The following NIBAN3 variants were observed in gnomAD, a reference collection of about 807,000 sequenced individuals.
NIBAN3 encodes niban apoptosis regulator 3, also known as protein Niban 3.
A neutral mutation model predicts 76.4 loss-of-function variants in NIBAN3; 66 were observed. The ratio of observed to expected loss-of-function variants is 0.86; its 90% CI spans 0.71 to 1.06. The LOEUF (loss-of-function observed/expected upper bound fraction) is 1.06, where lower values mean the gene tolerates loss of function less well. NIBAN3 is among the 50% of genes least tolerant of loss of function. NIBAN3 has a pLI of 0.00. For missense variants in NIBAN3, 808 were observed against 810.7 expected (o/e 1.00, Z 0.04); for synonymous variants, 360 against 355.2 (o/e 1.01, Z -0.15).
At chr19:17,530,725 G>C (rs777798858) in intron 1 of NIBAN3, 30 bp from the exon 2 acceptor site, 1 of 1,581,514 alleles carries the variant, frequency 6.3e-7, no homozygotes, top group South Asian at 1.1e-5. Flanking sequence ...GATTCAATTT[G>C]CTGGGTTCAC....
Position 17,532,170 on chromosome 19 carries a change from C to T in NIBAN3, c.187-93C>T, listed in dbSNP as rs1005932514. 14 of 1,444,470 alleles carry T rather than the reference C, an allele frequency of 9.7e-6. No individual in the cohort carries two copies. The South Asian group carries it at 1.2e-4, about 13-fold the overall frequency. 89.5% of individuals were successfully genotyped at this position (1,444,470 alleles called of 1,614,324 possible). A position where few individuals can be genotyped will look rare whatever the true frequency, so the allele number is the denominator to read the frequency against. Reference sequence around the variant, plus strand: ...AGCCTGGGGCATCACGGGACCTTAGCGTCACCCCAGGATACAGCGGGTGTC... The same window carrying T: ...AGCCTGGGGCATCACGGGACCTTAGTGTCACCCCAGGATACAGCGGGTGTC... On this transcript the variant is annotated intron_variant, in intron 2 of 14. Transcript: ENST00000599164.
At chr19:17,524,881 G>A (rs111378172), upstream of NIBAN3, among the ~76,000 whole-genome samples, 855 of 152,254 alleles carry the variant, frequency 5.6e-3, 7 homozygotes, top group African/African-American at 0.019. Flanking sequence ...AGGATTCACC[G>A]AAGACACTTC....
intron 12 of NIBAN3, 196 bp downstream of exon 12, chr19:17,543,827 C>T (rs145900800): frequency 2.9e-4 from 124 of 422,210 alleles, no homozygotes; most frequent in African/African-American, 2.4e-3. Flanking sequence ...CCTGTCTCTA[C>T]TAAAAATACA....
Position 17,552,019 on chromosome 19 carries a change from AT to A in NIBAN3, c.*125del. The A allele has an allele frequency of 3.8e-6, 2 of 532,228 alleles. No individual in the cohort carries two copies. The highest frequency in any genetic ancestry group is 6.9e-6 in the Non-Finnish European group (2 of 290,034). The allele number at this position is 532,228 out of a possible 1,614,324, so 33.0% of individuals were successfully genotyped here. A position where few individuals can be genotyped will look rare whatever the true frequency, so the allele number is the denominator to read the frequency against. ...CCCTGCAACTTCAGAAAACTGTACC[AT>A]TTTATACTCCAAGCAGCAGCATTTA... On this transcript the variant is annotated 3_prime_UTR_variant, in exon 15 of 15. Coordinates refer to ENST00000599164, the MANE Select transcript of NIBAN3 (RefSeq NM_001321827.2).
intron 1 of NIBAN3, among the ~76,000 whole-genome samples, chr19:17,528,152 C>T (rs1452795824): frequency 6.6e-6 from 1 of 151,496 alleles, no homozygotes; most frequent in Admixed American, 6.6e-5. Flanking sequence ...AGTGCAGTGG[C>T]GCAATCTTGG....
At chr19:17,550,267 AT>A (rs1483386999) in intron 14 of NIBAN3, among the ~76,000 whole-genome samples, 1 of 152,082 alleles carries the variant, frequency 6.6e-6, no homozygotes, top group Non-Finnish European at 1.5e-5. Flanking sequence ...TTGGGGGATA[AT>A]TTTTTTATGC....
chr19:17,537,355 C>G lies in NIBAN3; in HGVS notation c.428-21C>G, dbSNP rs372463173. On this transcript the variant is annotated intron_variant, in intron 4 of 14. Transcript: ENST00000599164. ...CTAGTGAATGAACGTCTAGAAGATGCGACCTCCTGTTTGTTTTCAGGAGAC... is the reference window on the plus strand; with the variant it reads ...CTAGTGAATGAACGTCTAGAAGATGGGACCTCCTGTTTGTTTTCAGGAGAC... The G allele has an allele frequency of 2.5e-6, 4 of 1,608,690 alleles. No homozygotes were observed. The South Asian group carries it at 3.3e-5, about 13-fold the overall frequency.
chr19:17,543,565 C>T lies in NIBAN3; in HGVS notation c.1488C>T (p.Ile496=). 1.2e-6 allele frequency: 2 copies of T among 1,614,148 alleles called. No individual in the cohort carries two copies. The highest frequency in any genetic ancestry group is 2.2e-5 in the South Asian group (2 of 91,080). ...GCGGGTTGGCGCAGAGGAGGTTCAT[C>T]CGAGGCTGGGGTCTCTGCATCTTTT... is the stretch of plus-strand genomic sequence containing the variant. ...SDSGLAQRRF[I]RGWGLCIFLP... The change falls in exon 12 of 15, where the codon ATC becomes ATT. Residue 496 remains isoleucine (I), a synonymous_variant. Transcript: ENST00000599164.
intron 13 of NIBAN3, among the ~76,000 whole-genome samples, chr19:17,547,322 G>C (rs1389686956): frequency 1.4e-5 from 2 of 143,432 alleles, no homozygotes; most frequent in Non-Finnish European, 1.5e-5. Flanking sequence ...CCACTGCACT[G>C]CAGCCTGGCG....
intron 4 of NIBAN3, among the ~76,000 whole-genome samples, chr19:17,536,271 A>G (rs1406408159): frequency 6.6e-6 from 1 of 151,824 alleles, no homozygotes; most frequent in Non-Finnish European, 1.5e-5. Flanking sequence ...GCTCACTGCA[A>G]CCTCCGCCTC....
chr19:17,549,611 G>T (rs918890629), intron 14 of NIBAN3, 84 bp downstream of exon 14: 1 of 1,071,700 alleles, frequency 9.3e-7, no homozygotes, highest in Non-Finnish European at 1.5e-6. Context: ...GTATGGGATT[G>T]TCATGAGTGT....
chr19:17,523,749 C>T (rs868416566), upstream of NIBAN3, among the ~76,000 whole-genome samples: 2 of 152,312 alleles, frequency 1.3e-5, no homozygotes, highest in Middle Eastern at 3.4e-3. Context: ...ACATCAGCCC[C>T]TCACTCAGTC....
At chr19:17,529,892 T>A (rs949828956) in intron 1 of NIBAN3, among the ~76,000 whole-genome samples, 1 of 151,988 alleles carries the variant, frequency 6.6e-6, no homozygotes, top group African/African-American at 2.4e-5. Flanking sequence ...AGACCTTGTC[T>A]CTACAAAAAT....
rs543604873 is a variant in NIBAN3 at position 17,533,683 on chromosome 19, C to G, written c.409C>G (p.Leu137Val). 3 of 1,613,778 alleles carry G rather than the reference C, an allele frequency of 1.9e-6. No homozygotes were observed. The highest frequency in any genetic ancestry group is 1.3e-5 in the African/African-American group (1 of 75,028). ...QREYLRLLDA[L>V]CPESLGDHTQ... ...AGAATATCTCCGCCTTTTGGATGCT[C>G]TCTGCCCTGAATCCTTGGGTAAGGG... is the stretch of plus-strand genomic sequence containing the variant. Residue 137 changes from leucine to valine, a missense_variant, in exon 4 of 15, where the codon CTC (leucine) becomes GTC (valine). Leu to Val is a conservative substitution (Grantham distance 32). Transcript: ENST00000599164.
chr19:17,528,059 A>G (rs1319364547), intron 1 of NIBAN3, among the ~76,000 whole-genome samples: 2 of 150,946 alleles, frequency 1.3e-5, no homozygotes, highest in Non-Finnish European at 2.9e-5. Flanking sequence ...CTGAAAACCA[A>G]TTACCCCTTT....
At chr19:17,543,457 G>A (rs760108074) in intron 11 of NIBAN3, 24 bp downstream of exon 11, 2 of 1,609,116 alleles carry the variant, frequency 1.2e-6, no homozygotes, top group Non-Finnish European at 1.7e-6. Flanking sequence ...GTACGGGGTG[G>A]CATGGGGTGG....
At chr19:17,524,546 A>G (rs2075587243), upstream of NIBAN3, among the ~76,000 whole-genome samples, 1 of 152,142 alleles carries the variant, frequency 6.6e-6, no homozygotes, top group Non-Finnish European at 1.5e-5. Context: ...CGGCCTCCCA[A>G]AGTGCTGGGA....
chr19:17,530,138 C>T (rs930494693), intron 1 of NIBAN3, among the ~76,000 whole-genome samples: 10 of 151,838 alleles, frequency 6.6e-5, no homozygotes, highest in African/African-American at 2.2e-4. Flanking sequence ...ATGGCGAAAC[C>T]TCGTCTCTAC....
rs186630549 is a variant in NIBAN3, at chr19:17,542,712, C to T, written c.1329+418C>T. ...ATCGCGCAGTGCCTTGAGCGTGGGG[C>T]TAAGGGGTGAGCTCTTTCCTGAGGG... On this transcript the variant is annotated intron_variant, in intron 10 of 14. Coordinates refer to ENST00000599164, the MANE Select transcript of NIBAN3 (RefSeq NM_001321827.2). This position sits in a 1 kb window ranked among gnomAD's most constrained non-coding sequence, Gnocchi z 4.8. Among the ~76,000 whole-genome samples, 1 of 152,196 alleles carries T rather than the reference C, an allele frequency of 6.6e-6. No individual in the cohort carries two copies. Among genetic ancestry groups the T allele is most frequent in the Admixed American group, 6.5e-5 (1 of 15,268 alleles).
Sources: allele counts gnomAD v4.1 joint callset (sites outside exome capture counted in the v4.1 genomes callset), GRCh38; gene constraint gnomAD v4.1.1; non-coding constraint Gnocchi (gnomAD v3.1); transcripts MANE v1.5; gene names NCBI Gene and HGNC (gene_info 2026-07-23, HGNC 2026-07-21).